Variants in PTPRB observed in about 807,000 individuals in gnomAD.
PTPRB encodes the protein protein tyrosine phosphatase receptor type B.
PTPRB carries 97 observed loss-of-function variants against 238.1 expected under a neutral mutation model. The observed-to-expected ratio is 0.41, with a 90% confidence interval of 0.35 to 0.48. PTPRB has a LOEUF of 0.48. Ranked by LOEUF, PTPRB falls within the 20% of genes least tolerant of loss-of-function variation. The pLI, the probability that PTPRB is intolerant of heterozygous loss-of-function variation, is 0.30. For missense variants in PTPRB, 2,292 were observed against 2,681.9 expected (o/e 0.85, Z 3.21); for synonymous variants, 970 against 995.4 (o/e 0.97, Z 0.48).
At chr12:70,625,756 G>A (rs568358753) in intron 2 of PTPRB, among the ~76,000 whole-genome samples, 44 of 152,096 alleles carry the variant, frequency 2.9e-4, no homozygotes, top group Non-Finnish European at 5.7e-4. Flanking sequence ...ATATGTGAAA[G>A]CTATTTTTGA....
intron 32 of PTPRB, among the ~76,000 whole-genome samples, chr12:70,530,984 C>T (rs1249280007): frequency 6.6e-6 from 1 of 152,334 alleles, no homozygotes; most frequent in South Asian, 2.1e-4. Context: ...ATAGTGGTGG[C>T]AGAGGTTCCT....
At chr12:70,533,310 A>G (rs1366636752) in intron 31 of PTPRB, among the ~76,000 whole-genome samples, 1 of 152,104 alleles carries the variant, frequency 6.6e-6, no homozygotes, top group Non-Finnish European at 1.5e-5. Flanking sequence ...CAAGGTTCCA[A>G]GGACATAGGA....
intron 29 of PTPRB, 98 bp downstream of exon 29, chr12:70,535,927 C>T (rs1054225387): frequency 3.7e-5 from 53 of 1,449,590 alleles, no homozygotes; most frequent in Admixed American, 5.3e-5. Context: ...TCACATGATC[C>T]CTACGTTGTT....
chr12:70,522,676 G>A (rs1051437383), intron 33 of PTPRB: 3 of 151,262 alleles, frequency 2.0e-5, no homozygotes, highest in Non-Finnish European at 2.9e-5. Context: ...AAAGTGTTAT[G>A]TGCTTATTCT....
At chr12:70,613,218 A>C (rs990833139) in intron 3 of PTPRB, among the ~76,000 whole-genome samples, 6 of 152,020 alleles carry the variant, frequency 3.9e-5, no homozygotes, top group African/African-American at 1.4e-4. Context: ...CCCATCACCC[A>C]TGACCTAAAA....
At position 70,576,627 on chromosome 12, in the gene PTPRB, C is replaced by T. The variant is rs1399067583; in HGVS notation, c.2597G>A (p.Gly866Glu). Residue 866 changes from glycine to glutamate, a missense_variant, in exon 11 of 34, where the codon GGA becomes GAA. Physicochemically the swap from Gly to Glu is moderately conservative, Grantham distance 98 (BLOSUM62 -2). Around this residue, in one of 4 missense-constraint regions of PTPRB, gnomAD observed 1,205 missense variants for 1,287.8 expected, o/e 0.94. Transcript: ENST00000334414. ...ACGACCGGAATTGTTCACCGTTACT[C>T]CACTCACACTGGAAGGGACTGTGAT... ...EGRTVPSSVS[G>E]VTVNNSGRND... The T allele has an allele frequency of 3.3e-6, 5 of 1,511,108 alleles. No individual in the cohort carries two copies. The highest frequency in any genetic ancestry group is 2.2e-5 in the Admixed American group (1 of 45,278). The allele number at this position is 1,511,108 out of a possible 1,614,324, so 93.6% of individuals were successfully genotyped here.
At chr12:70,554,960 GATAACAGGC>G (rs1278876520) in intron 20 of PTPRB, among the ~76,000 whole-genome samples, 191 bp downstream of exon 20, 2 of 152,200 alleles carry the variant, frequency 1.3e-5, no homozygotes, top group East Asian at 3.9e-4. Flanking sequence ...AAACCCAGAG[GATAACAGGC>G]TTTATTGCCC....
intron 18 of PTPRB, among the ~76,000 whole-genome samples, chr12:70,557,978 AG>A (rs1877951008): frequency 6.6e-6 from 1 of 152,124 alleles, no homozygotes; most frequent in African/African-American, 2.4e-5. Context: ...TTCTGTTGTC[AG>A]GGTTGAAGAT....
At chr12:70,554,283 A>G (rs1328082512) in intron 20 of PTPRB, among the ~76,000 whole-genome samples, 1 of 152,238 alleles carries the variant, frequency 6.6e-6, no homozygotes. Context: ...AAATGGGTCA[A>G]AATTATTAGG....
At chr12:70,559,254 G>C (rs767344855) in intron 18 of PTPRB, 89 bp downstream of exon 18, 1 of 1,367,520 alleles carries the variant, frequency 7.3e-7, no homozygotes, top group Non-Finnish European at 1.0e-6. Flanking sequence ...TAAAAATATG[G>C]ATTTAATCCA....
chr12:70,574,040 G>A (rs1485404997), intron 11 of PTPRB, among the ~76,000 whole-genome samples: 2 of 152,048 alleles, frequency 1.3e-5, no homozygotes, highest in Admixed American at 6.6e-5. Flanking sequence ...CACGGTAACT[G>A]GACATTATAC....
intron 7 of PTPRB, among the ~76,000 whole-genome samples, chr12:70,590,727 C>A (rs1029703609): frequency 2.7e-5 from 4 of 150,914 alleles, no homozygotes; most frequent in African/African-American, 9.7e-5. Flanking sequence ...ACTGAGACTA[C>A]TTTCTGAAGC....
Position 70,596,359 on chromosome 12 carries a change from A to C in PTPRB, c.980-32T>G, listed in dbSNP as rs756169643. The C allele has an allele frequency of 8.8e-4, 1,178 of 1,342,322 alleles. 15 individuals are homozygous for C. In the African/African-American group the frequency reaches 0.016, roughly 18 times the overall value. 83.2% of individuals were successfully genotyped at this position (1,342,322 alleles called of 1,614,324 possible). On this transcript the variant is annotated intron_variant, in intron 4 of 33. Transcript: ENST00000334414. The stretch of plus-strand genomic sequence containing the variant: ...GGCAAATACACACACACACACAAAA[A>C]AAAAAAAGAAAGAAAAAGAAAAAAA...
chr12:70,613,738 G>A (rs75700345), intron 3 of PTPRB, among the ~76,000 whole-genome samples: 3,040 of 152,252 alleles, frequency 0.02, 98 homozygotes, highest in African/African-American at 0.068. Context: ...TGCTCTTCTT[G>A]CACAGGGATT....
chr12:70,637,216 CG>C (rs1348433137), intron 1 of PTPRB, 124 bp downstream of exon 1: 10 of 777,152 alleles, frequency 1.3e-5, no homozygotes, highest in Non-Finnish European at 2.0e-5. Context: ...TGCTTTTCAT[CG>C]TCTTTGGCTA....
chr12:70,544,513 G>T, intron 22 of PTPRB, 44 bp downstream of exon 22: 1 of 1,325,570 alleles, frequency 7.5e-7, no homozygotes, highest in Non-Finnish European at 1.1e-6. Flanking sequence ...GCTCTTGTAG[G>T]TGACATGGCA....
chr12:70,540,975 G>C lies in PTPRB; in HGVS notation c.5495-18C>G. The C allele has an allele frequency of 1.9e-6, 3 of 1,581,470 alleles. No individual in the cohort carries two copies. Among genetic ancestry groups the C allele is most frequent in the Non-Finnish European group, 1.7e-6 (2 of 1,162,392 alleles). On this transcript the variant is annotated intron_variant, in intron 22 of 33. Coordinates refer to ENST00000334414, the MANE Select transcript of PTPRB (RefSeq NM_001109754.4). Reference sequence around the variant, plus strand: ...CAAGGGCTCTACAATAATCCAGATAGAAACAACAAACGCAGGTGGGAAAAT... The same window carrying C: ...CAAGGGCTCTACAATAATCCAGATACAAACAACAAACGCAGGTGGGAAAAT...
chr12:70,560,049 C>T lies in PTPRB; in HGVS notation c.4433-425G>A, dbSNP rs570115297. On this transcript the variant is annotated intron_variant, in intron 17 of 33. Coordinates refer to ENST00000334414, the MANE Select transcript of PTPRB (RefSeq NM_001109754.4). The surrounding 1 kb of genome is among the most constrained non-coding windows in gnomAD (Gnocchi z 4.2). ...ACAGGGTTTCCTCTCGTTGACCAGG[C>T]TGGTCTCGAACTCCAGACCTCAAGT... 6.6e-6 allele frequency among the ~76,000 whole-genome samples: 1 copy of T among 152,042 alleles called. No homozygotes were observed. Among genetic ancestry groups the T allele is most frequent in the African/African-American group, 2.4e-5 (1 of 41,418 alleles).
intron 32 of PTPRB, among the ~76,000 whole-genome samples, chr12:70,525,046 G>T (rs1375632000): frequency 1.3e-5 from 2 of 151,490 alleles, no homozygotes; most frequent in African/African-American, 4.9e-5. Flanking sequence ...GTACGTAGTA[G>T]GTCCTTTACA....
Sources: allele counts gnomAD v4.1 joint callset (sites outside exome capture counted in the v4.1 genomes callset), GRCh38; gene constraint gnomAD v4.1.1; regional missense constraint gnomAD v4.1.1; non-coding constraint Gnocchi (gnomAD v3.1); transcripts MANE v1.5; gene names NCBI Gene and HGNC (gene_info 2026-07-23, HGNC 2026-07-21).